RAB30: variants seen among roughly 807,000 people sequenced by gnomAD.
The protein encoded by RAB30 is RAB30, member RAS oncogene family.
Under a neutral mutation model 25.1 loss-of-function variants are expected in RAB30, and 9 were observed. That is an observed-to-expected ratio of 0.36 (90% CI 0.22 to 0.63). The LOEUF is 0.63. RAB30 is among the 20% of genes least tolerant of loss of function. RAB30 has a pLI of 0.69. For synonymous variants in RAB30, 77 were observed against 86.4 expected, an observed-to-expected ratio of 0.89 and a Z score of 0.60; for missense variants, 140 against 243.5, an observed-to-expected ratio of 0.58 and a Z score of 2.83.
chr11:83,019,875 G>C (rs766589713), intron 1 of RAB30, among the ~76,000 whole-genome samples: 1 of 152,172 alleles, frequency 6.6e-6, no homozygotes, highest in Non-Finnish European at 1.5e-5. Context: ...AATGACTTTG[G>C]GCAAGTCATT....
chr11:83,064,799 A>G (rs980151511), intron 1 of RAB30, among the ~76,000 whole-genome samples: 1 of 152,194 alleles, frequency 6.6e-6, no homozygotes, highest in African/African-American at 2.4e-5. Context: ...TCATTATCAC[A>G]TCCAAGAAAA....
intron 1 of RAB30, among the ~76,000 whole-genome samples, chr11:83,001,845 C>T (rs975688786): frequency 9.2e-5 from 14 of 152,164 alleles, no homozygotes; most frequent in African/African-American, 2.9e-4. Flanking sequence ...TACTACCAAA[C>T]ACTACTGCAG....
intron 1 of RAB30, among the ~76,000 whole-genome samples, chr11:83,063,792 A>G (rs2121521367): frequency 6.6e-6 from 1 of 152,322 alleles, no homozygotes; most frequent in East Asian, 1.9e-4. Flanking sequence ...CCTGAAAGAT[A>G]TCTTACAGAA....
chr11:82,986,443 C>A (rs1856740025), intron 4 of RAB30, among the ~76,000 whole-genome samples: 1 of 152,214 alleles, frequency 6.6e-6, no homozygotes, highest in African/African-American at 2.4e-5. Context: ...TAGATAAAAT[C>A]CCAAGTAGTA....
chr11:83,003,797 C>T (rs910275609), intron 1 of RAB30, among the ~76,000 whole-genome samples: 1 of 151,830 alleles, frequency 6.6e-6, no homozygotes, highest in East Asian at 1.9e-4. Flanking sequence ...AAAAAAACAG[C>T]ATCATAGAAT....
intron 4 of RAB30, among the ~76,000 whole-genome samples, chr11:82,986,403 G>A (rs1416150159): frequency 6.6e-6 from 1 of 152,146 alleles, no homozygotes; most frequent in African/African-American, 2.4e-5. Flanking sequence ...TGAACTAACT[G>A]TCTCCCCTCA....
intron 1 of RAB30, among the ~76,000 whole-genome samples, chr11:83,056,195 G>A (rs943394937): frequency 2.5e-4 from 38 of 152,072 alleles, no homozygotes; most frequent in African/African-American, 9.2e-4. Context: ...CCTGCCCCCA[G>A]CTCCTGGTAA....
At chr11:82,988,900 AC>A (rs1856793596) in intron 3 of RAB30, among the ~76,000 whole-genome samples, 1 of 64,590 alleles carries the variant, frequency 1.5e-5, no homozygotes, top group Non-Finnish European at 3.2e-5. Context: ...CCACCCCCCC[AC>A]CCCACACAGT....
At position 82,974,536 on chromosome 11, in the gene RAB30, G is replaced by A. The variant is rs929473550; in HGVS notation, c.*7629C>T. The A allele has an allele frequency of 2.6e-5, 4 of 152,128 alleles. No individual in the cohort carries two copies. The highest frequency in any genetic ancestry group is 2.0e-4 in the Admixed American group (3 of 15,266). The allele number at this position is 152,128 out of a possible 1,614,324, so 9.4% of individuals were successfully genotyped here. A position where few individuals can be genotyped will look rare whatever the true frequency, so the allele number is the denominator to read the frequency against. ...AATCAAGTACTATTCTTATATTGAA[G>A]TTGGTTAGATTTTATATAACGCTGT... On this transcript the variant is annotated 3_prime_UTR_variant, in exon 5 of 5. Coordinates refer to ENST00000527633, the MANE Select transcript of RAB30 (RefSeq NM_001286060.2).
chr11:82,983,532 C>A, intron 4 of RAB30, among the ~76,000 whole-genome samples: 1 of 152,122 alleles, frequency 6.6e-6, no homozygotes, highest in East Asian at 1.9e-4. Flanking sequence ...TGGGCTCAAG[C>A]CATCTTCTCC....
chr11:83,042,534 C>T (rs759741579), intron 1 of RAB30, among the ~76,000 whole-genome samples: 1 of 152,156 alleles, frequency 6.6e-6, no homozygotes, highest in Non-Finnish European at 1.5e-5. Flanking sequence ...GCCTGGGCAA[C>T]AGAGCGAGAC....
At chr11:83,067,755 G>T (rs1465310957) in intron 1 of RAB30, among the ~76,000 whole-genome samples, 1 of 152,200 alleles carries the variant, frequency 6.6e-6, no homozygotes. Flanking sequence ...ACTTTGGGAG[G>T]CAGAGGCAGG....
intron 1 of RAB30, among the ~76,000 whole-genome samples, chr11:83,033,285 C>T (rs991121025): frequency 2.0e-5 from 3 of 151,874 alleles, no homozygotes; most frequent in Admixed American, 6.6e-5. Flanking sequence ...AGGCTGGTCT[C>T]GAACTCCTGA....
At chr11:83,060,514 T>C (rs1285767108) in intron 1 of RAB30, among the ~76,000 whole-genome samples, 4 of 152,156 alleles carry the variant, frequency 2.6e-5, no homozygotes, top group Non-Finnish European at 2.9e-5. Flanking sequence ...ACCAGTGATG[T>C]TACAAACTGA....
rs35973192 is a variant in RAB30 at position 83,040,592 on chromosome 11, CAA to C, written c.-9+31097_-9+31098del. Among the ~76,000 whole-genome samples the C allele has an allele frequency of 4.6e-3, 554 of 121,068 alleles. 2 individuals carry two copies. Among genetic ancestry groups the C allele is most frequent in the Middle Eastern group, 0.013 (3 of 224 alleles). 79.4% of individuals were successfully genotyped at this position (121,068 alleles called of 152,430 possible). On this transcript the variant is annotated intron_variant, in intron 1 of 4. Coordinates refer to ENST00000527633, the MANE Select transcript of RAB30 (RefSeq NM_001286060.2). ...GGGCAACAAGAGCGAAACTCTGTCT[CAA>C]AAAAAAAAAAAAAAAATTGAATAAC... is the stretch of plus-strand genomic sequence containing the variant.
rs1166100810 is a variant in RAB30 at position 82,979,841 on chromosome 11, C to T, written c.*2324G>A. The T allele has an allele frequency of 1.3e-5, 2 of 152,178 alleles. No homozygotes were observed. The highest frequency in any genetic ancestry group is 2.4e-5 in the African/African-American group (1 of 41,420). 9.4% of individuals were successfully genotyped at this position (152,178 alleles called of 1,614,324 possible). On this transcript the variant is annotated 3_prime_UTR_variant, in exon 5 of 5. Transcript: ENST00000527633. ...GCAACAAGGAAGATAGAGGCCAAGA[C>T]CAGAGCTTTTTAATCCCCTTCTGAG...
rs140855557 is a variant in RAB30, at chr11:83,014,503, G to A, written c.-8-17179C>T. On this transcript the variant is annotated intron_variant, in intron 1 of 4. Transcript: ENST00000527633. ...CAAGGCTGCAGTGAGCTTTGATGAT[G>A]CCAGTGCACTCCAATCAAGGCAACA... Among the ~76,000 whole-genome samples the A allele has an allele frequency of 2.1e-3, 316 of 152,062 alleles. 1 individual carries two copies. The highest frequency in any genetic ancestry group is 7.2e-3 in the African/African-American group (298 of 41,434).
chr11:83,020,576 C>T (rs1857550411), intron 1 of RAB30, among the ~76,000 whole-genome samples: 1 of 152,206 alleles, frequency 6.6e-6, no homozygotes, highest in South Asian at 2.1e-4. Context: ...TGTTGAGACC[C>T]CACCTTCAGG....
At chr11:83,038,004 G>C (rs1858023610) in intron 1 of RAB30, among the ~76,000 whole-genome samples, 1 of 152,186 alleles carries the variant, frequency 6.6e-6, no homozygotes, top group African/African-American at 2.4e-5. Context: ...GCTGCCTTGG[G>C]AGTGGGAGAG....
Sources: gnomAD v4.1 joint callset for allele counts (sites outside exome capture counted in the v4.1 genomes callset) on GRCh38, gnomAD v4.1.1 for gene constraint, MANE v1.5 for transcripts, NCBI Gene and HGNC (gene_info 2026-07-23, HGNC 2026-07-21) for gene names.